SYNE2: variants seen among roughly 807,000 people sequenced by gnomAD.
SYNE2 encodes the protein spectrin repeat containing nuclear envelope protein 2, also known as nesprin-2.
SYNE2 carries 431 observed loss-of-function variants against 856.3 expected under a neutral mutation model. The ratio of observed to expected loss-of-function variants is 0.50; its 90% confidence interval spans 0.47 to 0.55. The LOEUF (loss-of-function observed/expected upper bound fraction) is 0.55. SYNE2 is among the 20% of genes least tolerant of loss of function. The probability of loss-of-function intolerance (pLI) is 0.00; values close to 1 mark genes in which losing one functional copy is unlikely to be tolerated. For missense variants in SYNE2, 8,129 were observed against 8,023.2 expected (o/e 1.01, Z -0.50); for synonymous variants, 2,923 against 2,872.3 (o/e 1.02, Z -0.56).
chr14:63,803,208 G>A (rs1157897785), intron 1 of SYNE2, among the ~76,000 whole-genome samples: 1 of 152,244 alleles, frequency 6.6e-6, no homozygotes, highest in Non-Finnish European at 1.5e-5. Context: ...TTCACCTAGT[G>A]GATCCCCCAC....
intron 1 of SYNE2, among the ~76,000 whole-genome samples, chr14:63,783,233 C>A (rs1414598092): frequency 1.3e-5 from 2 of 152,306 alleles, no homozygotes; most frequent in African/African-American, 4.8e-5. Flanking sequence ...TCCTCCTGCG[C>A]TAATTCTCCT....
Position 63,993,981 on chromosome 14 carries a change from C to T in SYNE2, c.2781+12C>T. Reference sequence around the variant, plus strand: ...GTGCCAAATGGGAGGTAAGAACATGCATATGTTTCTGAACTTACGTTTTTA... The same window carrying T: ...GTGCCAAATGGGAGGTAAGAACATGTATATGTTTCTGAACTTACGTTTTTA... On this transcript the variant is annotated intron_variant, in intron 22 of 115. Coordinates refer to ENST00000555002, the MANE Select transcript of SYNE2 (RefSeq NM_182914.3). 2 of 1,613,062 alleles carry T rather than the reference C, an allele frequency of 1.2e-6. No homozygotes were observed. Among genetic ancestry groups the T allele is most frequent in the Non-Finnish European group, 1.7e-6 (2 of 1,179,282 alleles).
At chr14:64,029,691 A>G (rs974904804) in intron 43 of SYNE2, among the ~76,000 whole-genome samples, 3 of 152,202 alleles carry the variant, frequency 2.0e-5, no homozygotes, top group Admixed American at 6.5e-5. Context: ...ATTGTTTTCA[A>G]TAAGAGTCAT....
chr14:64,043,743 G>T (rs2097166090), intron 45 of SYNE2, among the ~76,000 whole-genome samples: 1 of 152,236 alleles, frequency 6.6e-6, no homozygotes, highest in African/African-American at 2.4e-5. Flanking sequence ...CTGAATATGT[G>T]TGGAAACACC....
rs1555421819 is a variant in SYNE2 at position 63,999,012 on chromosome 14, G to A, written c.3452G>A (p.Cys1151Tyr). The A allele has an allele frequency of 6.2e-7, 1 of 1,613,894 alleles. No homozygotes were observed. Among genetic ancestry groups the A allele is most frequent in the Non-Finnish European group, 8.5e-7 (1 of 1,179,830 alleles). The change falls in exon 27 of 116, where the codon TGT becomes TAT. Residue 1151 changes from cysteine (C) to tyrosine (Y), a missense_variant. Cys to Tyr is a radical substitution (Grantham distance 194). Around this residue, in one of 3 missense-constraint regions of SYNE2, gnomAD observed 2,422 missense variants for 2,357.4 expected, o/e 1.03. Coordinates refer to ENST00000555002, the MANE Select transcript of SYNE2 (RefSeq NM_182914.3). ...AGTGAAGAGGACAGGAGTAGTTCTT[G>A]TCTGCAGGCTAAACTGACAGATCTA... The part of the protein sequence containing the change: ...FSSEEDRSSS[C>Y]LQAKLTDLQV...
At chr14:64,206,563 C>CTT (rs558072315) in intron 100 of SYNE2, among the ~76,000 whole-genome samples, 2 of 131,056 alleles carry the variant, frequency 1.5e-5, no homozygotes, top group South Asian at 2.4e-4. Flanking sequence ...AATGTTTGGG[C>CTT]TTTTTTTTTT....
Position 64,053,426 on chromosome 14 carries a change from A to C in SYNE2, c.9513A>C (p.Gln3171His). Residue 3171 changes from glutamine (Q) to histidine (H), a missense_variant, in exon 48 of 116, where the codon CAA becomes CAC. Physicochemically the swap from Gln to His is conservative, Grantham distance 24 (BLOSUM62 0). Coordinates refer to ENST00000555002, the MANE Select transcript of SYNE2 (RefSeq NM_182914.3). ...ATGTTTTAAATCAGATAAAATCTCA[A>C]TTACAGCAGCCATTACTTATAAATT... ...SLHVLNQIKS[Q>H]LQQPLLINLE... 6.2e-7 allele frequency: 1 copy of C among 1,613,142 alleles called. No individual in the cohort carries two copies. Among genetic ancestry groups the C allele is most frequent in the Non-Finnish European group, 8.5e-7 (1 of 1,179,814 alleles).
At chr14:63,876,471 A>AG (rs1036091363) in intron 1 of SYNE2, among the ~76,000 whole-genome samples, 6 of 148,894 alleles carry the variant, frequency 4.0e-5, no homozygotes. Flanking sequence ...ATTAAAAAAA[A>AG]CAAGCAACAA....
intron 33 of SYNE2, among the ~76,000 whole-genome samples, chr14:64,017,233 G>T (rs2153527505): frequency 6.6e-6 from 1 of 150,806 alleles, no homozygotes; most frequent in Admixed American, 6.6e-5. Flanking sequence ...GGAGGCTGAG[G>T]CAGGAGAATG....
chr14:64,011,495 C>T (rs923240103), intron 32 of SYNE2, among the ~76,000 whole-genome samples: 3 of 152,134 alleles, frequency 2.0e-5, no homozygotes, highest in African/African-American at 2.4e-5. Flanking sequence ...TGTCCCAGTT[C>T]GCATAGCCAC....
At chr14:64,082,990 C>T (rs1194529650) in intron 57 of SYNE2, among the ~76,000 whole-genome samples, 1 of 152,154 alleles carries the variant, frequency 6.6e-6, no homozygotes, top group Non-Finnish European at 1.5e-5. Flanking sequence ...TGTTTCCCTT[C>T]TCTTATTCTG....
chr14:64,087,177 A>G (rs550580794), intron 57 of SYNE2, among the ~76,000 whole-genome samples: 12 of 150,992 alleles, frequency 7.9e-5, no homozygotes, highest in Non-Finnish European at 1.3e-4. Context: ...TAAGATTAAT[A>G]TAAAATTCTG....
Position 64,186,599 on chromosome 14 carries a change from G to A in SYNE2, c.17712+20G>A. On this transcript the variant is annotated intron_variant, in intron 97 of 115. Transcript: ENST00000555002. ...TTAAGGGTAAGTCAGCTCACTGCAG[G>A]GCACGGCTGTTTGGGAGTGGATTGA... is the stretch of plus-strand genomic sequence containing the variant. 1.9e-6 allele frequency: 3 copies of A among 1,613,998 alleles called. No homozygotes were observed. Among genetic ancestry groups the A allele is most frequent in the African/African-American group, 2.7e-5 (2 of 75,006 alleles).
chr14:64,030,125 T>G, intron 44 of SYNE2, 66 bp downstream of exon 44: 1 of 1,485,650 alleles, frequency 6.7e-7, no homozygotes, highest in Non-Finnish European at 9.3e-7. Flanking sequence ...TACAGTGTGA[T>G]TAATCAGTGT....
rs148456888 is a variant in SYNE2 at position 63,878,635 on chromosome 14, C to T, written c.-52+25492C>T. 3.9e-3 allele frequency among the ~76,000 whole-genome samples: 592 copies of T among 152,258 alleles called. 1 individual carries two copies. Among genetic ancestry groups the T allele is most frequent in the African/African-American group, 0.014 (569 of 41,540 alleles). On this transcript the variant is annotated intron_variant, in intron 1 of 115. Coordinates refer to ENST00000555002, the MANE Select transcript of SYNE2 (RefSeq NM_182914.3). ...TCAACTCACTGCAGCTTTCACCTCC[C>T]AGGTTGAAGCAATTCTCCTGCCTCA...
At chr14:63,837,218 G>T (rs1889886594) in intron 1 of SYNE2, among the ~76,000 whole-genome samples, 1 of 152,156 alleles carries the variant, frequency 6.6e-6, no homozygotes, top group African/African-American at 2.4e-5. Flanking sequence ...TCAATGAATG[G>T]TGTTGGGACA....
In SYNE2 at chr14:64,218,464, C is replaced by G. The variant is rs570564199; in HGVS notation, c.19609C>G (p.Pro6537Ala). ...AGGCCCGCGAGTCCTGAATGGCAAC[C>G]CACAGCAGGAAGACGGGGGACTGGC... ...KEGPRVLNGN[P>A]QQEDGGLAGI... The change falls in exon 109 of 116, where the codon CCA becomes GCA. Residue 6537 changes from proline (P) to alanine (A), a missense_variant. Pro to Ala is a conservative substitution (Grantham distance 27). Around this residue, in one of 3 missense-constraint regions of SYNE2, gnomAD observed 5,410 missense variants for 5,284.8 expected, o/e 1.02. Coordinates refer to ENST00000555002, the MANE Select transcript of SYNE2 (RefSeq NM_182914.3). The G allele has an allele frequency of 5.0e-6, 8 of 1,614,092 alleles. No individual in the cohort carries two copies. The Admixed American group carries it at 1.2e-4, about 24-fold the overall frequency.
At chr14:64,065,703 T>G (rs2097354045) in intron 51 of SYNE2, 53 bp downstream of exon 51, 1 of 1,590,588 alleles carries the variant, frequency 6.3e-7, no homozygotes, top group Non-Finnish European at 8.6e-7. Flanking sequence ...TTATTTAAAT[T>G]GTTTTATTAC....
intron 1 of SYNE2, among the ~76,000 whole-genome samples, chr14:63,883,805 T>A (rs889476940): frequency 4.6e-5 from 7 of 152,098 alleles, no homozygotes; most frequent in Non-Finnish European, 7.4e-5. Context: ...TGAAGTTTTC[T>A]GAACTAAAAT....
Sources: gnomAD v4.1 joint callset for allele counts (sites outside exome capture counted in the v4.1 genomes callset) on GRCh38, gnomAD v4.1.1 for gene constraint, gnomAD v4.1.1 regional missense constraint, MANE v1.5 for transcripts, NCBI Gene and HGNC (gene_info 2026-07-23, HGNC 2026-07-21) for gene names.